PLEKHM2: variants seen among roughly 807,000 people sequenced by gnomAD.
PLEKHM2 encodes pleckstrin homology domain-containing family M member 2.
PLEKHM2 carries 77 observed loss-of-function variants against 116.3 expected under a neutral mutation model. The ratio of observed to expected loss-of-function variants is 0.66; its 90% confidence interval spans 0.55 to 0.80. The LOEUF is 0.80. PLEKHM2 is among the 30% of genes least tolerant of loss of function. The probability of loss-of-function intolerance (pLI) is 0.00; values close to 1 mark genes in which losing one functional copy is unlikely to be tolerated. For synonymous variants in PLEKHM2, 562 were observed against 571.0 expected (o/e 0.98, Z 0.22); for missense variants, 1,183 against 1,354.9 (o/e 0.87, Z 1.99).
chr1:15,709,837 C>A (rs906076672), intron 1 of PLEKHM2, among the ~76,000 whole-genome samples: 1 of 152,224 alleles, frequency 6.6e-6, no homozygotes, highest in East Asian at 1.9e-4. Flanking sequence ...TAACAGAAGA[C>A]CTGAATAAAT....
intron 1 of PLEKHM2, among the ~76,000 whole-genome samples, chr1:15,693,469 T>C (rs79904603): frequency 0.01 from 1,549 of 152,332 alleles, 27 homozygotes; most frequent in African/African-American, 0.034. Context: ...CTGGGCTCGC[T>C]CTCTCCATGG....
At chr1:15,707,194 G>A (rs1189438535) in intron 1 of PLEKHM2, among the ~76,000 whole-genome samples, 1 of 151,892 alleles carries the variant, frequency 6.6e-6, no homozygotes, top group Non-Finnish European at 1.5e-5. Flanking sequence ...GGCTAAGGCA[G>A]GAGGATCACT....
intron 1 of PLEKHM2, among the ~76,000 whole-genome samples, chr1:15,698,975 G>A (rs1641056791): frequency 1.3e-5 from 2 of 152,090 alleles, no homozygotes; most frequent in South Asian, 4.1e-4. Context: ...TTGCCATTGA[G>A]AATGAAATAT....
chr1:15,685,556 A>AG (rs1460100112), intron 1 of PLEKHM2, among the ~76,000 whole-genome samples: 8 of 150,836 alleles, frequency 5.3e-5, no homozygotes, highest in African/African-American at 2.0e-4. Context: ...AAAAAAAAAA[A>AG]AAAAGAAAGA....
intron 17 of PLEKHM2, 66 bp downstream of exon 17, chr1:15,732,114 T>A (rs769453771): frequency 2.3e-4 from 332 of 1,465,844 alleles, no homozygotes; most frequent in Non-Finnish European, 3.1e-4. Flanking sequence ...CAGGGTCCCA[T>A]CCCTAAACCC....
At position 15,728,776 on chromosome 1, in the gene PLEKHM2, G is replaced by A. The variant is rs1213375316; in HGVS notation, c.1986+43G>A. 2 of 1,538,300 alleles carry A rather than the reference G, an allele frequency of 1.3e-6. No individual in the cohort carries two copies. Among genetic ancestry groups the A allele is most frequent in the South Asian group, 1.2e-5 (1 of 85,794 alleles). On this transcript the variant is annotated intron_variant, in intron 12 of 19. Transcript: ENST00000375799. This position sits in a 1 kb window ranked among gnomAD's most constrained non-coding sequence, Gnocchi z 5.9. ...AGTTGTGCGCCTGCTGTAGGTACAG[G>A]GCTTCTCAAGCCACTTACCCATAGA...
Position 15,719,953 on chromosome 1 carries a change from C to T in PLEKHM2, c.652+33C>T. ...GCCCCAGGGCAGAAAAGCTAAGCCCCTGTTGTGAAACAGACTTGAACTGCT... is the reference window on the plus strand; with the variant it reads ...GCCCCAGGGCAGAAAAGCTAAGCCCTTGTTGTGAAACAGACTTGAACTGCT... On this transcript the variant is annotated intron_variant, in intron 6 of 19. Coordinates refer to ENST00000375799, the MANE Select transcript of PLEKHM2 (RefSeq NM_015164.4). This position sits in a 1 kb window ranked among gnomAD's most constrained non-coding sequence, Gnocchi z 4.1. The T allele has an allele frequency of 6.4e-7, 1 of 1,572,036 alleles. No homozygotes were observed. The highest frequency in any genetic ancestry group is 8.7e-7 in the Non-Finnish European group (1 of 1,150,850).
chr1:15,692,030 T>C (rs918818198), intron 1 of PLEKHM2, among the ~76,000 whole-genome samples: 2 of 151,996 alleles, frequency 1.3e-5, no homozygotes, highest in Non-Finnish European at 1.5e-5. Flanking sequence ...GGAGGGTCAC[T>C]TGAGCCCAGA....
chr1:15,729,104 T>A lies in PLEKHM2; in HGVS notation c.1989T>A (p.Val663=). Residue 663 remains valine (V), a splice_region_variant and synonymous_variant, in exon 13 of 20, where the codon GTT becomes GTA. Coordinates refer to ENST00000375799, the MANE Select transcript of PLEKHM2 (RefSeq NM_015164.4). This position sits in a 1 kb window ranked among gnomAD's most constrained non-coding sequence, Gnocchi z 4.7. ...VSYNELDYVS[V]GLDQQTVKLV... ...TGTCACGGTGTGGTTTCTGGCAGGT[T>A]GGCCTTGACCAGCAGACGGTGAAGC... 6.2e-7 allele frequency: 1 copy of A among 1,607,516 alleles called. No individual in the cohort carries two copies. Among genetic ancestry groups the A allele is most frequent in the Non-Finnish European group, 8.5e-7 (1 of 1,177,200 alleles).
At chr1:15,688,295 A>G (rs953117515) in intron 1 of PLEKHM2, among the ~76,000 whole-genome samples, 2 of 152,228 alleles carry the variant, frequency 1.3e-5, no homozygotes, top group Non-Finnish European at 2.9e-5. Flanking sequence ...TCTGATATGG[A>G]CACAGAATTC....
At chr1:15,694,476 C>G (rs1020004819) in intron 1 of PLEKHM2, among the ~76,000 whole-genome samples, 12 of 152,190 alleles carry the variant, frequency 7.9e-5, no homozygotes, top group African/African-American at 2.9e-4. Context: ...AGGGTCTAAA[C>G]CAGGCAGCAG....
chr1:15,684,658 CCG>C, intron 1 of PLEKHM2, 40 bp downstream of exon 1: 1 of 1,028,912 alleles, frequency 9.7e-7, no homozygotes, highest in Non-Finnish European at 1.2e-6. Flanking sequence ...CCCTTCCTCG[CCG>C]CGCCCCCCAC....
At chr1:15,725,576 AGGTCCTGG>A in intron 8 of PLEKHM2, 31 bp downstream of exon 8, 1 of 1,495,066 alleles carries the variant, frequency 6.7e-7, no homozygotes, top group Non-Finnish European at 9.1e-7. Context: ...AAAGGAGCTG[AGGTCCTGG>A]GGTCCAACCT....
Position 15,727,322 on chromosome 1 carries a change from T to C in PLEKHM2, c.1250T>C (p.Leu417Pro), listed in dbSNP as rs1245667778. The C allele has an allele frequency of 6.3e-7, 1 of 1,599,604 alleles. No homozygotes were observed. The highest frequency in any genetic ancestry group is 1.3e-5 in the African/African-American group (1 of 74,578). The change falls in exon 9 of 20, where the codon CTC (leucine) becomes CCC (proline). Residue 417 changes from leucine to proline, a missense_variant. Physicochemically the swap from Leu to Pro is moderately conservative, Grantham distance 98. Transcript: ENST00000375799. The surrounding 1 kb of genome is among the most constrained non-coding windows in gnomAD (Gnocchi z 7.5). ...CCCCTGAGCAAGGTTATCGACCAGC[T>C]CAACGGGCAGCTGGACCCCAGCACC... ...GQPLSKVIDQ[L>P]NGQLDPSTWC...
At chr1:15,725,678 C>G (rs1157034414) in intron 8 of PLEKHM2, 133 bp downstream of exon 8, 1 of 653,952 alleles carries the variant, frequency 1.5e-6, no homozygotes, top group East Asian at 2.7e-5. Context: ...GAAACCCTTC[C>G]CACCTCTAGG....
chr1:15,732,118 TA>T, intron 17 of PLEKHM2, 70 bp downstream of exon 17: 1 of 1,449,684 alleles, frequency 6.9e-7, no homozygotes, highest in Non-Finnish European at 9.5e-7. Flanking sequence ...GTCCCATCCC[TA>T]AACCCATAGT....
intron 14 of PLEKHM2, among the ~76,000 whole-genome samples, chr1:15,730,314 C>T (rs1252726545): frequency 5.9e-5 from 9 of 152,204 alleles, no homozygotes; most frequent in Admixed American, 2.0e-4. Flanking sequence ...TGGTGATGGG[C>T]GCCTGTAATC....
chr1:15,723,286 GC>G (rs2068018186), intron 7 of PLEKHM2: 1 of 152,074 alleles, frequency 6.6e-6, no homozygotes, highest in African/African-American at 2.4e-5. Context: ...CTTGGCAGGA[GC>G]CTGCTTTGGG....
rs2068112190 is a variant in PLEKHM2 at position 15,729,687 on chromosome 1, C to CT, written c.2076-109dup. The CT allele has an allele frequency of 3.1e-6, 3 of 962,106 alleles. No individual in the cohort carries two copies. The South Asian group carries it at 4.8e-5, about 15-fold the overall frequency. 59.6% of individuals were successfully genotyped at this position (962,106 alleles called of 1,614,324 possible). On this transcript the variant is annotated intron_variant, in intron 13 of 19. Transcript: ENST00000375799. This position sits in a 1 kb window ranked among gnomAD's most constrained non-coding sequence, Gnocchi z 4.7. ...CTGGTCACTGGGTCTAGCCAGGTCT[C>CT]TCCCCCAAGTTTCTGTGACCCCTCC... is the stretch of plus-strand genomic sequence containing the variant.
Sources: gnomAD v4.1 joint callset for allele counts (sites outside exome capture counted in the v4.1 genomes callset) on GRCh38, gnomAD v4.1.1 for gene constraint, Gnocchi (gnomAD v3.1) non-coding constraint, MANE v1.5 for transcripts, NCBI Gene and HGNC (gene_info 2026-07-23, HGNC 2026-07-21) for gene names.